The following ADK variants were observed in gnomAD, a reference collection of about 807,000 sequenced individuals.
ADK encodes the protein N6,N6-dimethyladenosine kinase.
ADK carries 24 observed loss-of-function variants against 44.7 expected under a neutral mutation model. That is an observed-to-expected ratio of 0.54 (90% CI 0.39 to 0.76). The LOEUF is 0.76. ADK is among the 30% of genes least tolerant of loss of function. The probability of loss-of-function intolerance (pLI) is 0.00; values close to 1 mark genes in which losing one functional copy is unlikely to be tolerated. For synonymous variants in ADK, 128 were observed against 142.6 expected, an observed-to-expected ratio of 0.90 and a Z score of 0.73; for missense variants, 321 against 425.1, an observed-to-expected ratio of 0.76 and a Z score of 2.15.
chr10:74,568,948 C>T (rs977874465), intron 7 of ADK, among the ~76,000 whole-genome samples: 3 of 148,124 alleles, frequency 2.0e-5, no homozygotes, highest in African/African-American at 7.5e-5. Flanking sequence ...CACAACAGGC[C>T]CCGGTGTGTG....
intron 4 of ADK, among the ~76,000 whole-genome samples, chr10:74,321,548 T>G (rs555022447): frequency 4.7e-4 from 72 of 152,322 alleles, no homozygotes; most frequent in Non-Finnish European, 8.7e-4. Context: ...GCTTGGTCTC[T>G]TCTCAAATTA....
intron 4 of ADK, among the ~76,000 whole-genome samples, chr10:74,388,501 T>C (rs1843222826): frequency 1.3e-5 from 2 of 152,194 alleles, no homozygotes; most frequent in Admixed American, 6.5e-5. Context: ...GTACATAATA[T>C]AGCTCTTCGT....
chr10:74,223,466 T>G (rs1008709302), intron 2 of ADK, among the ~76,000 whole-genome samples: 1 of 152,178 alleles, frequency 6.6e-6, no homozygotes, highest in Non-Finnish European at 1.5e-5. Flanking sequence ...TAAAGGTACT[T>G]GTGAAAGAGG....
At chr10:74,173,671 C>T (rs538727096) in intron 1 of ADK, among the ~76,000 whole-genome samples, 3 of 152,024 alleles carry the variant, frequency 2.0e-5, no homozygotes, top group Non-Finnish European at 4.4e-5. Context: ...CCTTGTGGTC[C>T]TCCTGCCTCA....
chr10:74,355,337 T>G (rs1410606897), intron 4 of ADK, among the ~76,000 whole-genome samples: 1 of 152,208 alleles, frequency 6.6e-6, no homozygotes, highest in Non-Finnish European at 1.5e-5. Context: ...TTTTAAAAAC[T>G]TCTCTGCTGC....
chr10:74,400,574 A>C (rs1343994884), intron 6 of ADK, among the ~76,000 whole-genome samples: 2 of 152,188 alleles, frequency 1.3e-5, no homozygotes, highest in African/African-American at 4.8e-5. Context: ...TGTGTAGTCT[A>C]GTCTAGTTTT....
At position 74,493,033 on chromosome 10, in the gene ADK, A is replaced by G. The variant is rs116319473; in HGVS notation, c.556-32223A>G. ...TTACTATGGAGATTGCCAAATAATG[A>G]TTTGTTTTTCATTCCATCATTTTTT... is the stretch of plus-strand genomic sequence containing the variant. On this transcript the variant is annotated intron_variant, in intron 6 of 10. Transcript: ENST00000539909. Among the ~76,000 whole-genome samples the G allele has an allele frequency of 2.1e-3, 327 of 152,188 alleles. 1 individual carries two copies. Among genetic ancestry groups the G allele is most frequent in the African/African-American group, 7.3e-3 (302 of 41,520 alleles).
At chr10:74,483,587 C>G (rs1184438176) in intron 6 of ADK, among the ~76,000 whole-genome samples, 4 of 152,218 alleles carry the variant, frequency 2.6e-5, no homozygotes, top group African/African-American at 9.6e-5. Context: ...TTTCCAAATT[C>G]TGTTTCCCTT....
chr10:74,670,329 C>A, intron 10 of ADK, 60 bp downstream of exon 10: 1 of 1,271,698 alleles, frequency 7.9e-7, no homozygotes. Context: ...CTTGTTTCTA[C>A]CATATAACCA....
intron 10 of ADK, among the ~76,000 whole-genome samples, chr10:74,693,636 T>C (rs921390874): frequency 6.6e-6 from 1 of 152,230 alleles, no homozygotes; most frequent in Non-Finnish European, 1.5e-5. Flanking sequence ...AGATGCGTAC[T>C]GATTTACTTG....
chr10:74,407,321 A>G (rs192747468), intron 6 of ADK, among the ~76,000 whole-genome samples: 59 of 152,242 alleles, frequency 3.9e-4, no homozygotes, highest in African/African-American at 1.4e-3. Context: ...TCTGCCATTA[A>G]TCTCATCCAG....
Position 74,625,728 on chromosome 10 carries a change from T to C in ADK, c.877+25235T>C, listed in dbSNP as rs147577876. On this transcript the variant is annotated intron_variant, in intron 9 of 10. Transcript: ENST00000539909. ...TTAGAAAAATTGTAGAGAAAAATTA[T>C]GGTAAAAGCACTAGGGAAATGCCTT... Among the ~76,000 whole-genome samples the C allele has an allele frequency of 3.6e-3, 546 of 152,230 alleles. 4 individuals carry two copies. The highest frequency in any genetic ancestry group is 4.7e-3 in the Admixed American group (72 of 15,280).
intron 10 of ADK, 36 bp from the exon 11 acceptor site, chr10:74,708,285 A>T: frequency 6.2e-7 from 1 of 1,603,400 alleles, no homozygotes; most frequent in Non-Finnish European, 8.5e-7. Flanking sequence ...CTGCTGTTAT[A>T]CAATACTCAT....
intron 3 of ADK, among the ~76,000 whole-genome samples, chr10:74,240,440 T>C (rs1845167933): frequency 6.6e-6 from 1 of 151,486 alleles, no homozygotes; most frequent in African/African-American, 2.4e-5. Flanking sequence ...TCCCAGATGC[T>C]GAAATTTTCC....
At chr10:74,448,438 A>G (rs534815849) in intron 6 of ADK, among the ~76,000 whole-genome samples, 1 of 152,318 alleles carries the variant, frequency 6.6e-6, no homozygotes, top group Admixed American at 6.5e-5. Flanking sequence ...GGATTAAATG[A>G]AGCAGCATGT....
intron 6 of ADK, among the ~76,000 whole-genome samples, chr10:74,521,026 G>A (rs1226689781): frequency 1.3e-5 from 2 of 151,970 alleles, no homozygotes; most frequent in South Asian, 2.1e-4. Context: ...ACTTGATTTT[G>A]TTGCAAACCT....
Position 74,501,109 on chromosome 10 carries a change from C to G in ADK, c.556-24147C>G, listed in dbSNP as rs546500863. On this transcript the variant is annotated intron_variant, in intron 6 of 10. Coordinates refer to ENST00000539909, the MANE Select transcript of ADK (RefSeq NM_006721.4). ...TCATAGAAATAAACAATGCAAACTT[C>G]AGAGAGCCAAAACAATTACACAGAA... 9.2e-5 allele frequency among the ~76,000 whole-genome samples: 14 copies of G among 152,284 alleles called. No homozygotes were observed. The South Asian group carries it at 2.7e-3, about 29-fold the overall frequency.
intron 3 of ADK, among the ~76,000 whole-genome samples, chr10:74,259,546 T>G (rs1207632514): frequency 1.4e-5 from 2 of 142,538 alleles, no homozygotes; most frequent in African/African-American, 2.7e-5. Flanking sequence ...AAGCTCCACC[T>G]CCTGGGTTCA....
At chr10:74,409,302 T>C (rs1228424503) in intron 6 of ADK, among the ~76,000 whole-genome samples, 1 of 152,210 alleles carries the variant, frequency 6.6e-6, no homozygotes, top group African/African-American at 2.4e-5. Context: ...AGGCTTATTA[T>C]GGGGAAATTT....
Sources: gnomAD v4.1 joint callset for allele counts (sites outside exome capture counted in the v4.1 genomes callset) on GRCh38, gnomAD v4.1.1 for gene constraint, MANE v1.5 for transcripts, NCBI Gene and HGNC (gene_info 2026-07-23, HGNC 2026-07-21) for gene names.